Variants in KLHL21 observed in about 807,000 individuals in gnomAD.
KLHL21 encodes kelch like family member 21, also known as kelch-like protein 21.
In KLHL21, 42 loss-of-function variants were observed where a neutral mutation model predicts 44.1. The observed-to-expected ratio is 0.95, with a 90% CI of 0.74 to 1.23. The LOEUF (loss-of-function observed/expected upper bound fraction) is 1.23, where lower values mean the gene tolerates loss of function less well. Among genes scored for constraint, KLHL21 ranks in the 50% most tolerant of loss-of-function variants. KLHL21 has a pLI of 0.00. For missense variants in KLHL21, 918 were observed against 889.1 expected, an observed-to-expected ratio of 1.03 and a Z score of -0.41; for synonymous variants, 524 against 411.6, an observed-to-expected ratio of 1.27 and a Z score of -3.31.
chr1:6,593,174 C>G lies in KLHL21; in HGVS notation c.*191G>C. 1 of 579,996 alleles carries G rather than the reference C, an allele frequency of 1.7e-6. No individual in the cohort carries two copies. Among genetic ancestry groups the G allele is most frequent in the East Asian group, 2.8e-5 (1 of 35,112 alleles). 35.9% of individuals were successfully genotyped at this position (579,996 alleles called of 1,614,324 possible). ...CTTCCTCAACTGCAGGGAGGGCGTT[C>G]CCGACGGCCTCTGATTCAGGCTCTC... is the stretch of plus-strand genomic sequence containing the variant. On this transcript the variant is annotated 3_prime_UTR_variant, in exon 4 of 4. Transcript: ENST00000377658.
intron 2 of KLHL21, among the ~76,000 whole-genome samples, chr1:6,596,368 T>C (rs1435693448): frequency 6.6e-6 from 1 of 152,062 alleles, no homozygotes; most frequent in Non-Finnish European, 1.5e-5. Flanking sequence ...GAGGCGGAGA[T>C]TACAGTGAGC....
chr1:6,595,178 C>T, intron 3 of KLHL21: 1 of 572,790 alleles, frequency 1.7e-6, no homozygotes. Context: ...TGCTGTCCCT[C>T]TCTGGAACAG....
rs1007408532 is a variant in KLHL21, at chr1:6,595,576, G to A, written c.1428-19C>T. The A allele has an allele frequency of 2.5e-6, 4 of 1,608,748 alleles. No homozygotes were observed. Among genetic ancestry groups the A allele is most frequent in the East Asian group, 2.2e-5 (1 of 44,842 alleles). ...GTCATCCCTGTGGAGGGGGCAGCAG[G>A]AGGACAACTGCTCAGAGCGAGGAGG... On this transcript the variant is annotated intron_variant, in intron 2 of 3. Coordinates refer to ENST00000377658, the MANE Select transcript of KLHL21 (RefSeq NM_014851.4).
At chr1:6,598,903 A>C in intron 2 of KLHL21, 144 bp downstream of exon 2, 1 of 861,564 alleles carries the variant, frequency 1.2e-6, no homozygotes, top group Non-Finnish European at 1.7e-6. Context: ...CAAAACAAAA[A>C]CAAAGAGACA....
chr1:6,600,780 C>A (rs766914656), intron 1 of KLHL21, among the ~76,000 whole-genome samples: 23 of 152,216 alleles, frequency 1.5e-4, no homozygotes, highest in Non-Finnish European at 2.5e-4. Context: ...GGGAGGGACA[C>A]GGTCCCCAAT....
rs761225996 is a variant in KLHL21, at chr1:6,602,098, G to A, written c.720C>T (p.Ala240=). The A allele has an allele frequency of 3.3e-5, 48 of 1,474,168 alleles. No homozygotes were observed. The highest frequency in any genetic ancestry group is 3.5e-5 in the Non-Finnish European group (39 of 1,118,230). 91.3% of individuals were successfully genotyped at this position (1,474,168 alleles called of 1,614,324 possible). The stretch of plus-strand genomic sequence containing the variant: ...GTGGGCAGCGCGCCACCAGCGGCTC[G>A]GCCTCGACGTGCGCCAACAGGTAGA... ...RRFYLLAHVE[A]EPLVARCPPC... is the part of the protein sequence containing the mutation. Residue 240 remains alanine (A), a synonymous_variant, in exon 1 of 4, where the codon GCC becomes GCT. Coordinates refer to ENST00000377658, the MANE Select transcript of KLHL21 (RefSeq NM_014851.4).
rs11800239 is a variant in KLHL21 at position 6,591,041 on chromosome 1, C to G, written c.*2324G>C. 1,980 of 398,660 alleles carry G rather than the reference C, an allele frequency of 5.0e-3. 37 individuals carry two copies. The highest frequency in any genetic ancestry group is 0.036 in the African/African-American group (1,753 of 48,756). 24.7% of individuals were successfully genotyped at this position (398,660 alleles called of 1,614,324 possible). On this transcript the variant is annotated 3_prime_UTR_variant, in exon 4 of 4. Coordinates refer to ENST00000377658, the MANE Select transcript of KLHL21 (RefSeq NM_014851.4). ...CATGCCCAGGCATCCCAGCATCTAT[C>G]CTGAAGTCAGTGTAAAGACATCCTT...
Position 6,595,651 on chromosome 1 carries a change from T to C in KLHL21, c.1428-94A>G, listed in dbSNP as rs542681044. On this transcript the variant is annotated intron_variant, in intron 2 of 3. Transcript: ENST00000377658. ...CAGAGTCCTCCCCTGGGTCACTGAC[T>C]CCTCCAGTGACCTGGATCTTTCTGA... The C allele has an allele frequency of 2.8e-5, 28 of 1,011,384 alleles. No individual in the cohort carries two copies. The Middle Eastern group carries it at 9.4e-4, about 34-fold the overall frequency. 62.7% of individuals were successfully genotyped at this position (1,011,384 alleles called of 1,614,324 possible).
Position 6,595,491 on chromosome 1 carries a change from C to T in KLHL21, c.1494G>A (p.Met498Ile). The T allele has an allele frequency of 1.2e-6, 2 of 1,614,152 alleles. No individual in the cohort carries two copies. The highest frequency in any genetic ancestry group is 1.3e-5 in the African/African-American group (1 of 75,060). ...GGCCCGCCTGAAAATTTACCTGATTCATGGACGGGATCTTGTCCCATTCGT... is the reference window on the plus strand; with the variant it reads ...GGCCCGCCTGAAAATTTACCTGATTTATGGACGGGATCTTGTCCCATTCGT... Reference protein sequence around the residue: ...TRNEWDKIPSMNQVHVGGSLA... With the variant: ...TRNEWDKIPSINQVHVGGSLA... The change falls in exon 3 of 4, where the codon ATG (methionine) becomes ATA (isoleucine). Residue 498 changes from methionine to isoleucine, a missense_variant. Met to Ile is a conservative substitution (Grantham distance 10). Transcript: ENST00000377658.
rs551945483 is a variant in KLHL21 at position 6,591,234 on chromosome 1, G to A, written c.*2131C>T. The A allele has an allele frequency of 1.2e-3, 464 of 375,716 alleles. 7 individuals are homozygous for A. The Admixed American group carries it at 0.018, about 14-fold the overall frequency. The allele number at this position is 375,716 out of a possible 1,614,324, so 23.3% of individuals were successfully genotyped here. On this transcript the variant is annotated 3_prime_UTR_variant, in exon 4 of 4. Transcript: ENST00000377658. ...CTTGGTCTTCTAAACCCAAAGACAG[G>A]GTCCTGATGGTGGAGACCTGGGTAG... is the stretch of plus-strand genomic sequence containing the variant.
In KLHL21 at chr1:6,591,213, G is replaced by T. The variant is rs1256631350; in HGVS notation, c.*2152C>A. 2 of 387,114 alleles carry T rather than the reference G, an allele frequency of 5.2e-6. No homozygotes were observed. Among genetic ancestry groups the T allele is most frequent in the Admixed American group, 9.0e-5 (2 of 22,292 alleles). 24.0% of individuals were successfully genotyped at this position (387,114 alleles called of 1,614,324 possible). A position where few individuals can be genotyped will look rare whatever the true frequency, so the allele number is the denominator to read the frequency against. ...TGGTGCCTGGTTTTCCCCATACTTG[G>T]TCTTCTAAACCCAAAGACAGGGTCC... On this transcript the variant is annotated 3_prime_UTR_variant, in exon 4 of 4. Coordinates refer to ENST00000377658, the MANE Select transcript of KLHL21 (RefSeq NM_014851.4).
chr1:6,601,851 G>A lies in KLHL21; in HGVS notation c.967C>T (p.His323Tyr), dbSNP rs1485295673. 1.3e-6 allele frequency: 2 copies of A among 1,582,472 alleles called. No homozygotes were observed. Among genetic ancestry groups the A allele is most frequent in the Non-Finnish European group, 1.7e-6 (2 of 1,165,370 alleles). The change falls in exon 1 of 4, where the codon CAC becomes TAC. Residue 323 changes from histidine (H) to tyrosine (Y), a missense_variant. Physicochemically the swap from His to Tyr is moderately conservative, Grantham distance 83. Coordinates refer to ENST00000377658, the MANE Select transcript of KLHL21 (RefSeq NM_014851.4). ...QWRYLAEFPD[H>Y]LGGGYSIVAL... ...ACGATGCTGTAGCCTCCGCCCAGGT[G>A]GTCTGGGAACTCGGCCAGGTAGCGC...
chr1:6,601,843 G>A lies in KLHL21; in HGVS notation c.975C>T (p.Gly325=), dbSNP rs1279307213. Reference sequence around the variant, plus strand: ...CCAGCGCCACGATGCTGTAGCCTCCGCCCAGGTGGTCTGGGAACTCGGCCA... The same window carrying A: ...CCAGCGCCACGATGCTGTAGCCTCCACCCAGGTGGTCTGGGAACTCGGCCA... ...RYLAEFPDHL[G]GGYSIVALGN... Residue 325 remains glycine, a synonymous_variant, in exon 1 of 4, where the codon GGC becomes GGT. Transcript: ENST00000377658. The A allele has an allele frequency of 4.4e-6, 7 of 1,584,412 alleles. No individual in the cohort carries two copies. The African/African-American group carries it at 6.8e-5, about 15-fold the overall frequency.
rs70981391 is a variant in KLHL21, at chr1:6,598,589, CA to C, written c.1427+457del. ...CTTCTTTTAAAAAAACAAAACAAAA[CA>C]AAAAAAAACAGACCGGGTGCAGTGG... On this transcript the variant is annotated intron_variant, in intron 2 of 3. Transcript: ENST00000377658. 4.8e-5 allele frequency among the ~76,000 whole-genome samples: 7 copies of C among 147,166 alleles called. No individual in the cohort carries two copies. The East Asian group carries it at 8.2e-4, about 17-fold the overall frequency.
rs1640911776 is a variant in KLHL21, at chr1:6,595,487, G to C, written c.1498C>G (p.Gln500Glu). 6.2e-7 allele frequency: 1 copy of C among 1,614,110 alleles called. No individual in the cohort carries two copies. The highest frequency in any genetic ancestry group is 8.5e-7 in the Non-Finnish European group (1 of 1,179,988). The part of the protein sequence containing the change: ...NEWDKIPSMN[Q>E]VHVGGSLAVL... Reference sequence around the variant, plus strand: ...TGCTGGCCCGCCTGAAAATTTACCTGATTCATGGACGGGATCTTGTCCCAT... The same window carrying C: ...TGCTGGCCCGCCTGAAAATTTACCTCATTCATGGACGGGATCTTGTCCCAT... Residue 500 changes from glutamine to glutamate, a missense_variant and splice_region_variant, in exon 3 of 4, where the codon CAG (glutamine) becomes GAG (glutamate). Coordinates refer to ENST00000377658, the MANE Select transcript of KLHL21 (RefSeq NM_014851.4).
chr1:6,601,601 T>C (rs569763746), intron 1 of KLHL21, among the ~76,000 whole-genome samples, 196 bp downstream of exon 1: 66 of 152,312 alleles, frequency 4.3e-4, no homozygotes, highest in Admixed American at 2.0e-3. Flanking sequence ...AAGCAGCTAC[T>C]TGTCCCGGCT....
In KLHL21 at chr1:6,593,046, G is replaced by A. The variant is rs1414229146; in HGVS notation, c.*319C>T. On this transcript the variant is annotated 3_prime_UTR_variant, in exon 4 of 4. Coordinates refer to ENST00000377658, the MANE Select transcript of KLHL21 (RefSeq NM_014851.4). ...CCCAAGGTGGGAACAAGTAGGTGCA[G>A]ATGACAACGGCAGGAGGGGTGTGCG... 1 of 351,618 alleles carries A rather than the reference G, an allele frequency of 2.8e-6. No homozygotes were observed. Among genetic ancestry groups the A allele is most frequent in the Non-Finnish European group, 5.3e-6 (1 of 189,798 alleles). 21.8% of individuals were successfully genotyped at this position (351,618 alleles called of 1,614,324 possible).
At chr1:6,594,546 CACAA>C (rs1484696728) in intron 3 of KLHL21, 1 of 152,160 alleles carries the variant, frequency 6.6e-6, no homozygotes, top group Non-Finnish European at 1.5e-5. Context: ...ACTAAAAATA[CACAA>C]ACAAAATTAG....
Position 6,602,819 on chromosome 1 carries a change from G to C in KLHL21, c.-2C>G. ...GGCCAGGGGCGCCGGTCGCTCCATGGCGCCTTCGATAGGTTGTCGAGGACG... is the reference window on the plus strand; with the variant it reads ...GGCCAGGGGCGCCGGTCGCTCCATGCCGCCTTCGATAGGTTGTCGAGGACG... On this transcript the variant is annotated 5_prime_UTR_variant, in exon 1 of 4. Transcript: ENST00000377658. The C allele has an allele frequency of 7.0e-7, 1 of 1,437,350 alleles. No homozygotes were observed. Among genetic ancestry groups the C allele is most frequent in the Non-Finnish European group, 9.0e-7 (1 of 1,106,210 alleles). The allele number at this position is 1,437,350 out of a possible 1,614,324, so 89.0% of individuals were successfully genotyped here. A position where few individuals can be genotyped will look rare whatever the true frequency, so the allele number is the denominator to read the frequency against.
Sources: gnomAD v4.1 joint callset for allele counts (sites outside exome capture counted in the v4.1 genomes callset) on GRCh38, gnomAD v4.1.1 for gene constraint, MANE v1.5 for transcripts, NCBI Gene and HGNC (gene_info 2026-07-23, HGNC 2026-07-21) for gene names.